KCNH5: variants seen among roughly 807,000 people sequenced by gnomAD.
KCNH5 encodes voltage-gated delayed rectifier potassium channel KCNH5.
KCNH5 carries 46 observed loss-of-function variants against 96.1 expected under a neutral mutation model. The ratio of observed to expected loss-of-function variants is 0.48; its 90% CI spans 0.38 to 0.61. KCNH5 has a LOEUF of 0.61. Among genes scored for constraint, KCNH5 ranks in the 20% least tolerant of loss-of-function variants. KCNH5 has a pLI of 0.00. For synonymous variants in KCNH5, 439 were observed against 449.8 expected, an observed-to-expected ratio of 0.98 and a Z score of 0.30; for missense variants, 907 against 1,225.8, an observed-to-expected ratio of 0.74 and a Z score of 3.88.
chr14:62,759,366 GC>G (rs1182853662), intron 10 of KCNH5, among the ~76,000 whole-genome samples: 3 of 152,006 alleles, frequency 2.0e-5, no homozygotes, highest in Non-Finnish European at 2.9e-5. Flanking sequence ...ATGAGAGAAT[GC>G]TTAGATAATT....
intron 7 of KCNH5, among the ~76,000 whole-genome samples, chr14:62,925,737 G>A (rs1889463500): frequency 6.6e-6 from 1 of 152,006 alleles, no homozygotes; most frequent in African/African-American, 2.4e-5. Context: ...CCACAATAAA[G>A]CTTGTAATCA....
chr14:62,735,788 C>CA (rs143724225), intron 10 of KCNH5, among the ~76,000 whole-genome samples: 9,963 of 152,012 alleles, frequency 0.066, 862 homozygotes, highest in African/African-American at 0.2. Flanking sequence ...ATTGAGTTTA[C>CA]AAAAAAATGG....
chr14:62,801,640 T>C (rs959679238), intron 9 of KCNH5, among the ~76,000 whole-genome samples: 1 of 151,924 alleles, frequency 6.6e-6, no homozygotes, highest in African/African-American at 2.4e-5. Context: ...ATCTACTGAA[T>C]TCTAAATTCT....
intron 8 of KCNH5, among the ~76,000 whole-genome samples, chr14:62,831,954 C>A (rs531139377): frequency 5.9e-5 from 9 of 152,224 alleles, no homozygotes; most frequent in Non-Finnish European, 1.0e-4. Flanking sequence ...CTCAAACAAT[C>A]CTCCCACCTT....
chr14:62,899,195 A>C (rs1324305744), intron 7 of KCNH5, among the ~76,000 whole-genome samples: 1 of 152,200 alleles, frequency 6.6e-6, no homozygotes, highest in Non-Finnish European at 1.5e-5. Flanking sequence ...CAAGTCTTGA[A>C]AATTTCAAAA....
At chr14:62,837,918 G>T (rs243147) in intron 8 of KCNH5, among the ~76,000 whole-genome samples, 85,036 of 151,864 alleles carry the variant, frequency 0.56, 24,249 homozygotes, top group East Asian at 0.8. Flanking sequence ...ATTGAAACAG[G>T]TGGATGTAAC....
chr14:62,962,396 A>G (rs1890230561), intron 6 of KCNH5, among the ~76,000 whole-genome samples: 1 of 152,152 alleles, frequency 6.6e-6, no homozygotes, highest in African/African-American at 2.4e-5. Context: ...CAAAACTGCA[A>G]TGGATTAATT....
At chr14:62,766,710 A>T (rs954730972) in intron 10 of KCNH5, among the ~76,000 whole-genome samples, 3 of 152,114 alleles carry the variant, frequency 2.0e-5, no homozygotes, top group Non-Finnish European at 2.9e-5. Flanking sequence ...GGGTCGGGGT[A>T]CTTGGGGATG....
intron 7 of KCNH5, among the ~76,000 whole-genome samples, chr14:62,856,937 A>C (rs1368931777): frequency 1.3e-5 from 2 of 152,146 alleles, no homozygotes; most frequent in African/African-American, 4.8e-5. Flanking sequence ...TTGGAAAGGG[A>C]AATTCCAAGT....
rs554595526 is a variant in KCNH5 at position 63,043,355 on chromosome 14, C to T, written c.73+1759G>A. 7.2e-5 allele frequency among the ~76,000 whole-genome samples: 11 copies of T among 152,090 alleles called. No homozygotes were observed. In the South Asian group the frequency reaches 8.3e-4, roughly 11 times the overall value. ...AAAAGTTCTCTCATAGACCAAATTG[C>T]GTGAAGTTGAAATAACCCAAGAGGA... On this transcript the variant is annotated intron_variant, in intron 1 of 10. Coordinates refer to ENST00000322893, the MANE Select transcript of KCNH5 (RefSeq NM_139318.5).
At chr14:62,715,006 T>G (rs960702499) in intron 10 of KCNH5, among the ~76,000 whole-genome samples, 1 of 152,140 alleles carries the variant, frequency 6.6e-6, no homozygotes, top group African/African-American at 2.4e-5. Context: ...TCATTTAAGC[T>G]TTTTTTCCTC....
intron 7 of KCNH5, among the ~76,000 whole-genome samples, chr14:62,937,336 T>C (rs1221088457): frequency 1.3e-5 from 2 of 152,188 alleles, no homozygotes; most frequent in African/African-American, 4.8e-5. Flanking sequence ...TACAGTCTAT[T>C]TTCCACACAG....
rs1214378998 is a variant in KCNH5, at chr14:62,707,327, G to GA, written c.*180_*181insT. 2.3e-5 allele frequency: 8 copies of GA among 351,070 alleles called. No homozygotes were observed. Among genetic ancestry groups the GA allele is most frequent in the Non-Finnish European group, 4.0e-5 (8 of 200,598 alleles). 21.7% of individuals were successfully genotyped at this position (351,070 alleles called of 1,614,324 possible). On this transcript the variant is annotated 3_prime_UTR_variant, in exon 11 of 11. Transcript: ENST00000322893. Reference sequence around the variant, plus strand: ...TGCATAATATACAAGCAATATCTATGTTTTTAATCATCATCTTCTTTGGCA... The same window carrying GA: ...TGCATAATATACAAGCAATATCTATGATTTTTAATCATCATCTTCTTTGGCA...
At chr14:63,016,219 A>G (rs1165931989) in intron 2 of KCNH5, among the ~76,000 whole-genome samples, 1 of 151,872 alleles carries the variant, frequency 6.6e-6, no homozygotes, top group Non-Finnish European at 1.5e-5. Flanking sequence ...AGTTCCTTAT[A>G]TATAGTTTCC....
At chr14:62,843,793 T>A (rs1277389503) in intron 8 of KCNH5, among the ~76,000 whole-genome samples, 1 of 152,128 alleles carries the variant, frequency 6.6e-6, no homozygotes, top group African/African-American at 2.4e-5. Flanking sequence ...TCAACTATGA[T>A]ATATACCATC....
chr14:62,995,823 C>G (rs372232130), intron 4 of KCNH5, among the ~76,000 whole-genome samples: 1 of 152,040 alleles, frequency 6.6e-6, no homozygotes, highest in Non-Finnish European at 1.5e-5. Flanking sequence ...TTGCCTCCCC[C>G]ACTAGAATGT....
At chr14:62,948,152 T>C (rs915920837) in intron 7 of KCNH5, among the ~76,000 whole-genome samples, 17 of 152,206 alleles carry the variant, frequency 1.1e-4, no homozygotes, top group African/African-American at 3.6e-4. Flanking sequence ...ACAAAGGACA[T>C]GAACGCATCA....
At chr14:62,907,165 G>A (rs1231227741) in intron 7 of KCNH5, among the ~76,000 whole-genome samples, 1 of 152,026 alleles carries the variant, frequency 6.6e-6, no homozygotes, top group East Asian at 1.9e-4. Context: ...TTTTGTTAGT[G>A]CAACTTATCC....
At chr14:63,037,440 G>T (rs1259498218) in intron 1 of KCNH5, among the ~76,000 whole-genome samples, 1 of 152,152 alleles carries the variant, frequency 6.6e-6, no homozygotes, top group Non-Finnish European at 1.5e-5. Context: ...TAATTAACTA[G>T]AAAGGGCATG....
Sources: gnomAD v4.1 joint callset for allele counts (sites outside exome capture counted in the v4.1 genomes callset) on GRCh38, gnomAD v4.1.1 for gene constraint, MANE v1.5 for transcripts, NCBI Gene and HGNC (gene_info 2026-07-23, HGNC 2026-07-21) for gene names.